The following CHCHD6 variants were observed in gnomAD, a reference collection of about 807,000 sequenced individuals.
The protein encoded by CHCHD6 is MICOS complex subunit MIC25.
A neutral mutation model predicts 32.3 loss-of-function variants in CHCHD6; 28 were observed. That is an observed-to-expected ratio of 0.87 (90% confidence interval 0.64 to 1.19). CHCHD6 has a LOEUF of 1.19. Ranked by LOEUF, CHCHD6 falls within the 50% of genes most tolerant of loss-of-function variation. The pLI is 0.00. For synonymous variants in CHCHD6, 122 were observed against 117.5 expected (o/e 1.04, Z -0.25); for missense variants, 333 against 307.0 (o/e 1.08, Z -0.63).
intron 4 of CHCHD6, among the ~76,000 whole-genome samples, chr3:126,756,851 G>C (rs999348361): frequency 1.3e-5 from 2 of 152,200 alleles, no homozygotes; most frequent in Non-Finnish European, 2.9e-5. Flanking sequence ...TAAACAAGTA[G>C]ATAATAGGTC....
chr3:126,715,839 C>T (rs1454897415), intron 1 of CHCHD6, among the ~76,000 whole-genome samples: 3 of 152,042 alleles, frequency 2.0e-5, no homozygotes, highest in Non-Finnish European at 2.9e-5. Flanking sequence ...TTCCCAAGGC[C>T]GTGGATACAA....
At chr3:126,744,983 A>G (rs1319924403) in intron 4 of CHCHD6, among the ~76,000 whole-genome samples, 1 of 152,190 alleles carries the variant, frequency 6.6e-6, no homozygotes, top group South Asian at 2.1e-4. Flanking sequence ...TTCAGCCATC[A>G]CATCAATTTT....
rs527775017 is a variant in CHCHD6 at position 126,726,797 on chromosome 3, G to C, written c.88-281G>C. On this transcript the variant is annotated intron_variant, in intron 1 of 7. Transcript: ENST00000290913. ...AAGAGGTGAGAAAAGTGAGACATCA[G>C]GTTCCCCTGAGGACTGGGTGTGTGG... 3.9e-5 allele frequency among the ~76,000 whole-genome samples: 6 copies of C among 152,280 alleles called. No homozygotes were observed. In the East Asian group the frequency reaches 9.6e-4, roughly 24 times the overall value.
chr3:126,893,075 T>G (rs1003604860), intron 5 of CHCHD6, among the ~76,000 whole-genome samples: 2 of 151,834 alleles, frequency 1.3e-5, no homozygotes, highest in African/African-American at 4.8e-5. Flanking sequence ...TTCAAGTGAT[T>G]CTCCTGCCTC....
intron 1 of CHCHD6, among the ~76,000 whole-genome samples, chr3:126,712,935 C>G (rs557941010): frequency 6.6e-6 from 1 of 152,338 alleles, no homozygotes; most frequent in African/African-American, 2.4e-5. Context: ...AGTAGCTCTA[C>G]TATCCAGTCC....
At chr3:126,751,148 T>TA (rs1936704791) in intron 4 of CHCHD6, among the ~76,000 whole-genome samples, 1 of 149,836 alleles carries the variant, frequency 6.7e-6, no homozygotes, top group African/African-American at 2.5e-5. Context: ...GGACTGTTAT[T>TA]TTTTTTTTTT....
At chr3:126,719,872 CAG>C (rs1935196266) in intron 1 of CHCHD6, among the ~76,000 whole-genome samples, 2 of 151,358 alleles carry the variant, frequency 1.3e-5, no homozygotes, top group African/African-American at 2.4e-5. Context: ...GCTGCACTAT[CAG>C]AGTCTTCTTT....
At chr3:126,892,954 T>C (rs1017715234) in intron 5 of CHCHD6, among the ~76,000 whole-genome samples, 3 of 129,776 alleles carry the variant, frequency 2.3e-5, no homozygotes, top group African/African-American at 8.4e-5. Context: ...GTTGTTGTTG[T>C]TGTTTTGTTT....
At chr3:126,902,382 A>AG (rs556621280) in intron 5 of CHCHD6, among the ~76,000 whole-genome samples, 244 of 152,318 alleles carry the variant, frequency 1.6e-3, no homozygotes, top group Non-Finnish European at 2.9e-3. Flanking sequence ...ACTATTAGGA[A>AG]GAGGAGAGCA....
intron 4 of CHCHD6, among the ~76,000 whole-genome samples, chr3:126,757,762 C>CTACG (rs1439003433): frequency 6.6e-6 from 1 of 152,118 alleles, no homozygotes; most frequent in Non-Finnish European, 1.5e-5. Context: ...TGGTGAGCAC[C>CTACG]TACGTACCAC....
intron 5 of CHCHD6, among the ~76,000 whole-genome samples, chr3:126,858,063 T>C (rs1300525497): frequency 6.6e-6 from 1 of 152,118 alleles, no homozygotes; most frequent in African/African-American, 2.4e-5. Flanking sequence ...GTGCCGGTGG[T>C]ATTCATGATA....
At chr3:126,804,819 A>G (rs1360626015) in intron 4 of CHCHD6, among the ~76,000 whole-genome samples, 2 of 152,194 alleles carry the variant, frequency 1.3e-5, no homozygotes, top group Admixed American at 6.5e-5. Context: ...CTGGCAAACC[A>G]AATCCAGCAG....
chr3:126,871,901 A>G (rs1259523134), intron 5 of CHCHD6, among the ~76,000 whole-genome samples: 3 of 152,116 alleles, frequency 2.0e-5, no homozygotes, highest in South Asian at 4.2e-4. Flanking sequence ...TCCTGACCTC[A>G]TAATCCGCCT....
rs548919655 is a variant in CHCHD6, at chr3:126,929,291, GTC to G, written c.566+14547_566+14548del. On this transcript the variant is annotated intron_variant, in intron 6 of 7. Transcript: ENST00000290913. ...GCAGCCAGAATGCAGTGCAGGCATC[GTC>G]TCTCTTGTCTGGTGGCTGATCTCTG... is the stretch of plus-strand genomic sequence containing the variant. Among the ~76,000 whole-genome samples the G allele has an allele frequency of 1.7e-3, 266 of 152,188 alleles. 1 individual carries two copies. Among genetic ancestry groups the G allele is most frequent in the African/African-American group, 6.1e-3 (254 of 41,478 alleles).
At chr3:126,917,243 T>C (rs1402057976) in intron 6 of CHCHD6, among the ~76,000 whole-genome samples, 1 of 152,240 alleles carries the variant, frequency 6.6e-6, no homozygotes, top group Non-Finnish European at 1.5e-5. Context: ...ATTCTATATT[T>C]ACTCTTGTTG....
At chr3:126,956,158 T>C (rs1051001707) in intron 6 of CHCHD6, among the ~76,000 whole-genome samples, 1 of 152,178 alleles carries the variant, frequency 6.6e-6, no homozygotes, top group African/African-American at 2.4e-5. Flanking sequence ...TCTCTCCACG[T>C]ACCTGGAGTG....
intron 5 of CHCHD6, among the ~76,000 whole-genome samples, chr3:126,909,447 C>A (rs552664466): frequency 3.3e-5 from 5 of 152,304 alleles, no homozygotes; most frequent in African/African-American, 1.2e-4. Flanking sequence ...TCACCCTCAC[C>A]CTTGCTTTTG....
intron 4 of CHCHD6, among the ~76,000 whole-genome samples, chr3:126,822,064 A>T (rs1940177233): frequency 6.6e-6 from 1 of 152,106 alleles, no homozygotes; most frequent in African/African-American, 2.4e-5. Context: ...TTTAATTTCG[A>T]TGAAATTCAA....
At chr3:126,814,508 G>C (rs1047864535) in intron 4 of CHCHD6, among the ~76,000 whole-genome samples, 1 of 152,166 alleles carries the variant, frequency 6.6e-6, no homozygotes, top group African/African-American at 2.4e-5. Flanking sequence ...ACCAGCCTAA[G>C]GTTAAGTTGA....
Sources: gnomAD v4.1 joint callset for allele counts (sites outside exome capture counted in the v4.1 genomes callset) on GRCh38, gnomAD v4.1.1 for gene constraint, MANE v1.5 for transcripts, NCBI Gene and HGNC (gene_info 2026-07-23, HGNC 2026-07-21) for gene names.